SLC35F3: variants seen among roughly 807,000 people sequenced by gnomAD.
SLC35F3 encodes the protein solute carrier family 35 member F3.
A neutral mutation model predicts 49.9 loss-of-function variants in SLC35F3; 25 were observed. That is an observed-to-expected ratio of 0.50 (90% CI 0.37 to 0.70). SLC35F3 has a LOEUF of 0.70. Ranked by LOEUF, SLC35F3 falls within the 30% of genes least tolerant of loss-of-function variation. SLC35F3 has a pLI of 0.00. For synonymous variants in SLC35F3, 275 were observed against 265.4 expected (o/e 1.04, Z -0.35); for missense variants, 525 against 639.8 (o/e 0.82, Z 1.94).
intron 3 of SLC35F3, among the ~76,000 whole-genome samples, chr1:234,263,742 T>C (rs879681936): frequency 1.3e-5 from 2 of 152,226 alleles, no homozygotes; most frequent in East Asian, 3.8e-4. Context: ...GATTTACTAG[T>C]GTCACCCACG....
intron 4 of SLC35F3, among the ~76,000 whole-genome samples, chr1:234,309,903 T>C (rs918727779): frequency 7.3e-5 from 11 of 150,958 alleles, no homozygotes; most frequent in Admixed American, 2.0e-4. Flanking sequence ...GAAGGGGGAG[T>C]GAAATTATAT....
At chr1:233,994,369 A>G (rs555108840) in intron 2 of SLC35F3, among the ~76,000 whole-genome samples, 1 of 152,254 alleles carries the variant, frequency 6.6e-6, no homozygotes, top group Non-Finnish European at 1.5e-5. Flanking sequence ...ATAAGAGTGC[A>G]TAGGGTAGGA....
intron 3 of SLC35F3, among the ~76,000 whole-genome samples, chr1:234,267,530 G>A (rs369063206): frequency 0.053 from 7,860 of 149,000 alleles, 89 homozygotes; most frequent in African/African-American, 0.088. Context: ...CCTCCCTCCC[G>A]GACGGGGCGG....
chr1:234,026,208 T>C (rs1173646542), intron 2 of SLC35F3, among the ~76,000 whole-genome samples: 2 of 152,210 alleles, frequency 1.3e-5, no homozygotes, highest in African/African-American at 4.8e-5. Context: ...AGCCCTATAG[T>C]ATAGTTTTAA....
chr1:234,311,814 G>C (rs1657362603), intron 4 of SLC35F3, among the ~76,000 whole-genome samples: 2 of 152,210 alleles, frequency 1.3e-5, no homozygotes, highest in African/African-American at 4.8e-5. Context: ...CAGCGATGGA[G>C]ATGTCCTAGG....
At chr1:233,998,953 T>C (rs1372534849) in intron 2 of SLC35F3, among the ~76,000 whole-genome samples, 1 of 152,232 alleles carries the variant, frequency 6.6e-6, no homozygotes, top group Non-Finnish European at 1.5e-5. Context: ...CAGCCCTTGA[T>C]GCTTACTTTA....
chr1:233,980,562 T>C (rs962039921), intron 2 of SLC35F3, among the ~76,000 whole-genome samples: 2 of 152,238 alleles, frequency 1.3e-5, no homozygotes, highest in Admixed American at 6.5e-5. Context: ...GCTCTTCTTC[T>C]GGCCCTCGTG....
chr1:234,118,522 AAGAG>A (rs2102891770), intron 2 of SLC35F3, among the ~76,000 whole-genome samples: 1 of 152,284 alleles, frequency 6.6e-6, no homozygotes, highest in South Asian at 2.1e-4. Flanking sequence ...TTGTAGAAGA[AAGAG>A]GAGGAGAGAG....
chr1:233,996,962 T>G (rs907741562), intron 2 of SLC35F3, among the ~76,000 whole-genome samples: 14 of 152,124 alleles, frequency 9.2e-5, no homozygotes, highest in African/African-American at 3.4e-4. Context: ...TATTTGACAT[T>G]TTGGGGTGTT....
At chr1:234,066,829 C>CT (rs1491452993) in intron 2 of SLC35F3, among the ~76,000 whole-genome samples, 26 of 79,694 alleles carry the variant, frequency 3.3e-4, no homozygotes, top group African/African-American at 1.1e-3. Flanking sequence ...CCCTCTCTCT[C>CT]CCACACACAC....
chr1:233,945,608 G>C (rs996425646), intron 2 of SLC35F3, among the ~76,000 whole-genome samples: 1 of 152,180 alleles, frequency 6.6e-6, no homozygotes, highest in African/African-American at 2.4e-5. Context: ...TCCTCACCCA[G>C]ATCTCATCTT....
chr1:234,262,191 A>T (rs1667915231), intron 3 of SLC35F3, among the ~76,000 whole-genome samples: 1 of 152,208 alleles, frequency 6.6e-6, no homozygotes, highest in Non-Finnish European at 1.5e-5. Context: ...TAGGAAAGGG[A>T]GAAAGAGTGT....
At position 234,182,289 on chromosome 1, in the gene SLC35F3, AGATT is replaced by A. The variant is rs145562934; in HGVS notation, c.284-49108_284-49105del. On this transcript the variant is annotated intron_variant, in intron 2 of 7. Coordinates refer to ENST00000366618, the MANE Select transcript of SLC35F3 (RefSeq NM_173508.4). ...CTTTTGACCTGACTCTTTGAGAGCT[AGATT>A]GATTGATTGATTGATTGATCTCTTG... is the stretch of plus-strand genomic sequence containing the variant. 6.0e-3 allele frequency among the ~76,000 whole-genome samples: 918 copies of A among 152,310 alleles called. 7 individuals are homozygous for A. The highest frequency in any genetic ancestry group is 0.037 in the South Asian group (179 of 4,832).
chr1:234,071,901 A>C (rs1232165118), intron 2 of SLC35F3, among the ~76,000 whole-genome samples: 2 of 152,160 alleles, frequency 1.3e-5, no homozygotes, highest in Non-Finnish European at 2.9e-5. Context: ...CTTGTCAATA[A>C]AGTTTCATTA....
At chr1:234,318,722 A>AGCCTTCT (rs1250282203) in intron 5 of SLC35F3, 29 bp from the exon 6 acceptor site, 1 of 1,604,498 alleles carries the variant, frequency 6.2e-7, no homozygotes. Context: ...GTGAGCCTTC[A>AGCCTTCT]CCCCGTCCTC....
intron 2 of SLC35F3, among the ~76,000 whole-genome samples, chr1:234,054,247 G>A (rs1172946439): frequency 6.6e-6 from 1 of 152,196 alleles, no homozygotes; most frequent in Non-Finnish European, 1.5e-5. Flanking sequence ...TTCCAACTTG[G>A]TTCCATTCTC....
intron 2 of SLC35F3, among the ~76,000 whole-genome samples, chr1:234,021,651 T>C (rs1448626991): frequency 6.6e-6 from 1 of 152,212 alleles, no homozygotes; most frequent in Non-Finnish European, 1.5e-5. Flanking sequence ...ATGTTGTGTA[T>C]TAGGCTGTTG....
intron 2 of SLC35F3, among the ~76,000 whole-genome samples, chr1:233,979,436 G>A (rs777828341): frequency 6.6e-6 from 1 of 152,218 alleles, no homozygotes; most frequent in African/African-American, 2.4e-5. Context: ...TGAAGAGAAA[G>A]GACATTTTGT....
At chr1:234,156,255 G>A (rs1415130099) in intron 2 of SLC35F3, among the ~76,000 whole-genome samples, 1 of 152,156 alleles carries the variant, frequency 6.6e-6, no homozygotes, top group African/African-American at 2.4e-5. Flanking sequence ...TCGGAGTCTG[G>A]GAGAATGTGG....
Sources: gnomAD v4.1 joint callset for allele counts (sites outside exome capture counted in the v4.1 genomes callset) on GRCh38, gnomAD v4.1.1 for gene constraint, MANE v1.5 for transcripts, NCBI Gene and HGNC (gene_info 2026-07-23, HGNC 2026-07-21) for gene names.